Variants in RIMS2 observed in about 807,000 individuals in gnomAD.
RIMS2 encodes regulating synaptic membrane exocytosis protein 2.
A neutral mutation model predicts 174.4 loss-of-function variants in RIMS2; 59 were observed. The observed-to-expected ratio is 0.34, with a 90% CI of 0.27 to 0.42. RIMS2 has a LOEUF of 0.42. RIMS2 is among the 10% of genes least tolerant of loss of function. The probability of loss-of-function intolerance (pLI) is 1.00; values close to 1 mark genes in which losing one functional copy is unlikely to be tolerated. For missense variants in RIMS2, 1,620 were observed against 1,666.3 expected (o/e 0.97, Z 0.48); for synonymous variants, 606 against 572.5 (o/e 1.06, Z -0.84).
intron 3 of RIMS2, among the ~76,000 whole-genome samples, chr8:103,871,162 A>G (rs1235983407): frequency 6.6e-6 from 1 of 152,200 alleles, no homozygotes; most frequent in Non-Finnish European, 1.5e-5. Context: ...TAATCCCAGC[A>G]CTTTGGGAGG....
chr8:104,149,888 A>G (rs2098675453), intron 19 of RIMS2, among the ~76,000 whole-genome samples: 1 of 152,044 alleles, frequency 6.6e-6, no homozygotes, highest in African/African-American at 2.4e-5. Flanking sequence ...GGTATTTTTT[A>G]TATTCTGGTT....
At chr8:104,060,039 G>C (rs1227247120) in intron 19 of RIMS2, among the ~76,000 whole-genome samples, 2 of 151,636 alleles carry the variant, frequency 1.3e-5, no homozygotes, top group African/African-American at 2.4e-5. Context: ...CTCTTTTTTG[G>C]TTGTGTCTCT....
At chr8:104,162,176 C>A (rs1173649429) in intron 19 of RIMS2, among the ~76,000 whole-genome samples, 1 of 151,992 alleles carries the variant, frequency 6.6e-6, no homozygotes, top group Non-Finnish European at 1.5e-5. Context: ...ATTCTGTCTA[C>A]CAGAAATGAT....
At chr8:103,583,776 C>T (rs1169498698) in intron 1 of RIMS2, among the ~76,000 whole-genome samples, 1 of 152,070 alleles carries the variant, frequency 6.6e-6, no homozygotes, top group African/African-American at 2.4e-5. Context: ...GGACCTAGAA[C>T]TAGAACTAGC....
At chr8:104,146,759 G>T (rs2098643544) in intron 19 of RIMS2, among the ~76,000 whole-genome samples, 1 of 152,130 alleles carries the variant, frequency 6.6e-6, no homozygotes, top group African/African-American at 2.4e-5. Flanking sequence ...GGAGTGCAGT[G>T]GCACCATCTC....
chr8:104,165,633 T>C (rs531828170), intron 19 of RIMS2, among the ~76,000 whole-genome samples: 2 of 152,270 alleles, frequency 1.3e-5, no homozygotes, highest in South Asian at 4.1e-4. Flanking sequence ...TCAGTCTTTA[T>C]CTGTCCTTGC....
At chr8:104,229,739 C>T (rs1311037936) in intron 19 of RIMS2, among the ~76,000 whole-genome samples, 1 of 152,160 alleles carries the variant, frequency 6.6e-6, no homozygotes, top group African/African-American at 2.4e-5. Context: ...TCCACCCACA[C>T]TGCATATTTC....
At chr8:103,519,136 C>T (rs374477241) in intron 1 of RIMS2, among the ~76,000 whole-genome samples, 3 of 151,962 alleles carry the variant, frequency 2.0e-5, no homozygotes, top group East Asian at 3.9e-4. Context: ...TAAAGGGGAC[C>T]CTTTCATAAG....
intron 15 of RIMS2, among the ~76,000 whole-genome samples, chr8:103,964,838 A>T (rs1437474203): frequency 6.6e-6 from 1 of 152,052 alleles, no homozygotes; most frequent in East Asian, 1.9e-4. Context: ...TGAAGAGTGT[A>T]ATGTCTGTGT....
intron 19 of RIMS2, among the ~76,000 whole-genome samples, chr8:104,159,440 G>T (rs889070314): frequency 5.3e-5 from 8 of 152,096 alleles, no homozygotes; most frequent in Non-Finnish European, 8.8e-5. Flanking sequence ...AAGAAAGTCA[G>T]TGGCAGCTTG....
At chr8:103,726,741 A>T (rs191510926) in intron 2 of RIMS2, among the ~76,000 whole-genome samples, 1,714 of 147,610 alleles carry the variant, frequency 0.012, 46 homozygotes, top group African/African-American at 0.04. Context: ...ATATATATAT[A>T]TATATTTTTG....
intron 3 of RIMS2, among the ~76,000 whole-genome samples, chr8:103,846,394 C>T (rs1229936924): frequency 3.3e-5 from 5 of 152,118 alleles, no homozygotes; most frequent in Non-Finnish European, 7.4e-5. Flanking sequence ...TAGTCAAGGG[C>T]ATGGTTTCAG....
chr8:103,878,830 A>C (rs1408315564), intron 3 of RIMS2, among the ~76,000 whole-genome samples: 1 of 151,656 alleles, frequency 6.6e-6, no homozygotes, highest in Non-Finnish European at 1.5e-5. Flanking sequence ...TGTCTTTTAA[A>C]TACGAGTTGA....
At chr8:103,514,363 A>T (rs1380321650) in intron 1 of RIMS2, among the ~76,000 whole-genome samples, 1 of 152,158 alleles carries the variant, frequency 6.6e-6, no homozygotes, top group East Asian at 1.9e-4. Context: ...ATGCTTCCTA[A>T]CCTTTTTCAC....
At chr8:103,862,280 G>C (rs548691451) in intron 3 of RIMS2, among the ~76,000 whole-genome samples, 24 of 152,060 alleles carry the variant, frequency 1.6e-4, no homozygotes, top group African/African-American at 5.8e-4. Context: ...ATGATCAGTT[G>C]GTTGTAGATA....
intron 7 of RIMS2, among the ~76,000 whole-genome samples, chr8:103,915,848 T>G (rs956425897): frequency 6.6e-6 from 1 of 152,010 alleles, no homozygotes; most frequent in Non-Finnish European, 1.5e-5. Context: ...CTGTTTTGTT[T>G]CCCCTAAGAC....
intron 19 of RIMS2, among the ~76,000 whole-genome samples, chr8:104,062,827 ATTGT>A (rs1330725134): frequency 7.2e-5 from 11 of 152,008 alleles, no homozygotes; most frequent in Non-Finnish European, 1.2e-4. Flanking sequence ...TCTATTCCAC[ATTGT>A]TTGTATTTTC....
At chr8:104,082,493 GC>G (rs1292181415) in intron 19 of RIMS2, among the ~76,000 whole-genome samples, 1 of 152,076 alleles carries the variant, frequency 6.6e-6, no homozygotes, top group Non-Finnish European at 1.5e-5. Context: ...TGAAGAGAGA[GC>G]TTAAACAAAG....
At chr8:104,037,422 A>T (rs149372949) in intron 19 of RIMS2, among the ~76,000 whole-genome samples, 108 of 152,360 alleles carry the variant, frequency 7.1e-4, no homozygotes, top group African/African-American at 2.6e-3. Context: ...ACATAGACAC[A>T]TAGACACATA....
Sources: allele counts gnomAD v4.1 joint callset (sites outside exome capture counted in the v4.1 genomes callset), GRCh38; gene constraint gnomAD v4.1.1; transcripts MANE v1.5; gene names NCBI Gene and HGNC (gene_info 2026-07-23, HGNC 2026-07-21).